The following LDAH variants were observed in gnomAD, a reference collection of about 807,000 sequenced individuals.
LDAH encodes lipid droplet associated hydrolase.
Under a neutral mutation model 29.6 loss-of-function variants are expected in LDAH, and 26 were observed. That is an observed-to-expected ratio of 0.88 (90% CI 0.64 to 1.22). The LOEUF is 1.22. Among genes scored for constraint, LDAH ranks in the 50% most tolerant of loss-of-function variants. The pLI is 0.00. For missense variants in LDAH, 344 were observed against 387.3 expected, an observed-to-expected ratio of 0.89 and a Z score of 0.94; for synonymous variants, 117 against 133.0, an observed-to-expected ratio of 0.88 and a Z score of 0.83.
chr2:20,774,093 A>G (rs1310610055), intron 4 of LDAH, among the ~76,000 whole-genome samples: 2 of 152,258 alleles, frequency 1.3e-5, no homozygotes, highest in Non-Finnish European at 2.9e-5. Flanking sequence ...TTGAATAAAG[A>G]AATGAATTAT....
At chr2:20,780,425 T>C (rs553437893) in intron 3 of LDAH, among the ~76,000 whole-genome samples, 1 of 152,182 alleles carries the variant, frequency 6.6e-6, no homozygotes, top group South Asian at 2.1e-4. Context: ...GAAAAAGGCA[T>C]AAAAAGTGTG....
chr2:20,753,515 G>A (rs1374540100), intron 4 of LDAH, among the ~76,000 whole-genome samples: 1 of 152,218 alleles, frequency 6.6e-6, no homozygotes, highest in African/African-American at 2.4e-5. Flanking sequence ...TGGCTTAATG[G>A]CAGTTTTTAC....
chr2:20,768,048 C>T lies in LDAH; in HGVS notation c.468+6762G>A, dbSNP rs540652618. ...GGCTACACAGAGGAGCTGTCCACTG[C>T]GGGTCTTCTCTGAGCTGTTTTATTG... is the stretch of plus-strand genomic sequence containing the variant. On this transcript the variant is annotated intron_variant, in intron 4 of 6. Transcript: ENST00000237822. Among the ~76,000 whole-genome samples, 18 of 152,236 alleles carry T rather than the reference C, an allele frequency of 1.2e-4. No homozygotes were observed. In the South Asian group the frequency reaches 1.9e-3, roughly 16 times the overall value.
rs59014748 is a variant in LDAH at position 20,764,258 on chromosome 2, A to G, written c.468+10552T>C. Among the ~76,000 whole-genome samples, 757 of 152,358 alleles carry G rather than the reference A, an allele frequency of 5.0e-3. 4 individuals are homozygous for G. The highest frequency in any genetic ancestry group is 0.017 in the African/African-American group (710 of 41,584). ...GTGATTGGAAAAATAGCATTTCATCATCTACAATACAAACTTAGAGTAAGA... is the reference window on the plus strand; with the variant it reads ...GTGATTGGAAAAATAGCATTTCATCGTCTACAATACAAACTTAGAGTAAGA... On this transcript the variant is annotated intron_variant, in intron 4 of 6. Transcript: ENST00000237822.
chr2:20,711,762 G>A (rs1664782692), intron 5 of LDAH, among the ~76,000 whole-genome samples: 3 of 152,220 alleles, frequency 2.0e-5, no homozygotes, highest in South Asian at 2.1e-4. Flanking sequence ...CGGGTCCCAC[G>A]CCCACAGAGC....
At chr2:20,687,234 T>C (rs1160706640) in intron 6 of LDAH, 140 bp from the exon 7 acceptor site, 2 of 623,632 alleles carry the variant, frequency 3.2e-6, no homozygotes, top group Non-Finnish European at 5.4e-6. Context: ...CTCCAGAGTG[T>C]GGCTCTCTCA....
chr2:20,745,810 T>C (rs2124866615), intron 4 of LDAH, among the ~76,000 whole-genome samples: 1 of 152,336 alleles, frequency 6.6e-6, no homozygotes, highest in Non-Finnish European at 1.5e-5. Flanking sequence ...ATATGTATGA[T>C]GGTAGTAAGT....
chr2:20,736,495 A>G (rs1666798206), intron 5 of LDAH, among the ~76,000 whole-genome samples: 1 of 152,112 alleles, frequency 6.6e-6, no homozygotes, highest in Non-Finnish European at 1.5e-5. Context: ...ACCAGAATAC[A>G]CTGCTGCAAA....
chr2:20,771,783 ATTTT>A (rs1669449208), intron 4 of LDAH, among the ~76,000 whole-genome samples: 1 of 996 alleles, frequency 1.0e-3, no homozygotes, highest in Non-Finnish European at 4.1e-3. Context: ...TGCACACATT[ATTTT>A]CTAGCTTACA....
intron 2 of LDAH, among the ~76,000 whole-genome samples, chr2:20,797,503 A>T (rs1285092446): frequency 6.6e-6 from 1 of 152,148 alleles, no homozygotes; most frequent in Non-Finnish European, 1.5e-5. Context: ...TAGGGCGACC[A>T]ACTCCTCTGT....
chr2:20,789,152 G>C (rs1386314204), intron 3 of LDAH: 1 of 1,550,380 alleles, frequency 6.5e-7, no homozygotes, highest in Non-Finnish European at 8.7e-7. Context: ...AAAACCAGCT[G>C]TAATGGTCTG....
chr2:20,715,083 A>G (rs867927281), intron 5 of LDAH, among the ~76,000 whole-genome samples: 1 of 152,206 alleles, frequency 6.6e-6, no homozygotes, highest in Admixed American at 6.5e-5. Context: ...CAACAAAAAA[A>G]GAATTTTAGA....
intron 3 of LDAH, among the ~76,000 whole-genome samples, chr2:20,777,093 A>C (rs1371636161): frequency 1.3e-5 from 2 of 152,236 alleles, no homozygotes; most frequent in Non-Finnish European, 2.9e-5. Context: ...TATGATTGTC[A>C]TCATTTCAAT....
rs193125888 is a variant in LDAH, at chr2:20,716,843, C to T, written c.704-15191G>A. Among the ~76,000 whole-genome samples the T allele has an allele frequency of 8.4e-3, 808 of 96,332 alleles. 9 individuals are homozygous for T. Among genetic ancestry groups the T allele is most frequent in the Non-Finnish European group, 0.013 (515 of 40,032 alleles). 63.2% of individuals were successfully genotyped at this position (96,332 alleles called of 152,430 possible). ...GTCTTGCCAACAATCTGAGCAATTT[C>T]GGAATTGGATTTTTTTTTCCCAGAG... On this transcript the variant is annotated intron_variant, in intron 5 of 6. Coordinates refer to ENST00000237822, the MANE Select transcript of LDAH (RefSeq NM_021925.4).
intron 5 of LDAH, among the ~76,000 whole-genome samples, chr2:20,707,539 G>C (rs1475799733): frequency 6.6e-6 from 1 of 152,230 alleles, no homozygotes; most frequent in African/African-American, 2.4e-5. Context: ...GTGGTTTTTG[G>C]TAGGGCAGAG....
intron 1 of LDAH, among the ~76,000 whole-genome samples, chr2:20,819,495 T>C (rs1673091938): frequency 1.3e-5 from 2 of 152,134 alleles, no homozygotes; most frequent in African/African-American, 4.8e-5. Context: ...ATCCAGCATA[T>C]AAACAGAACC....
chr2:20,783,952 A>G (rs1464932265), intron 3 of LDAH, among the ~76,000 whole-genome samples: 1 of 152,122 alleles, frequency 6.6e-6, no homozygotes, highest in East Asian at 1.9e-4. Flanking sequence ...GGCTCAAGCA[A>G]TCTGTTGACC....
In LDAH at chr2:20,685,513, T is replaced by C. The variant is rs1347260355; in HGVS notation, c.*1390A>G. The C allele has an allele frequency of 9.0e-6, 14 of 1,547,114 alleles. No individual in the cohort carries two copies. The East Asian group carries it at 3.2e-4, about 35-fold the overall frequency. On this transcript the variant is annotated 3_prime_UTR_variant, in exon 7 of 7. Coordinates refer to ENST00000237822, the MANE Select transcript of LDAH (RefSeq NM_021925.4). The stretch of plus-strand genomic sequence containing the variant: ...AAGTCACTTGCTGTGATGTAGAAGC[T>C]ATGCCAAAGCACAGTAACTCATTCA...
At chr2:20,790,908 A>G (rs1670900987) in intron 2 of LDAH, among the ~76,000 whole-genome samples, 1 of 152,204 alleles carries the variant, frequency 6.6e-6, no homozygotes, top group African/African-American at 2.4e-5. Context: ...CAATAAATAA[A>G]CGATCTTTTT....
Sources: allele counts gnomAD v4.1 joint callset (sites outside exome capture counted in the v4.1 genomes callset), GRCh38; gene constraint gnomAD v4.1.1; transcripts MANE v1.5; gene names NCBI Gene and HGNC (gene_info 2026-07-23, HGNC 2026-07-21).